Variants in FCAR observed in about 807,000 individuals in gnomAD.
FCAR encodes Fc alpha receptor, also known as immunoglobulin alpha Fc receptor.
A neutral mutation model predicts 27.1 loss-of-function variants in FCAR; 21 were observed. The ratio of observed to expected loss-of-function variants is 0.77; its 90% CI spans 0.55 to 1.11. FCAR has a LOEUF of 1.11. FCAR is among the 50% of genes most tolerant of loss of function. The pLI, the probability that FCAR is intolerant of heterozygous loss-of-function variation, is 0.00. For missense variants in FCAR, 404 were observed against 358.4 expected (o/e 1.13, Z -1.03); for synonymous variants, 134 against 135.8 (o/e 0.99, Z 0.09).
Position 54,875,374 on chromosome 19 carries a change from C to T in FCAR, c.70+9C>T, listed in dbSNP as rs1016584224. The T allele has an allele frequency of 2.5e-6, 4 of 1,612,114 alleles. No homozygotes were observed. The highest frequency in any genetic ancestry group is 3.4e-6 in the Non-Finnish European group (4 of 1,178,486). On this transcript the variant is annotated intron_variant, in intron 2 of 4. Transcript: ENST00000355524. ...GATTCAGGCACAGGAAGGTAAGTGT[C>T]CTGTAAATCTCTCCCAGCCCCTTTA...
At chr19:54,887,966 G>A in intron 3 of FCAR, 41 bp from the exon 4 acceptor site, 2 of 1,492,054 alleles carry the variant, frequency 1.3e-6, no homozygotes, top group South Asian at 1.3e-5. Flanking sequence ...AAGAATAAAG[G>A]AGAAAAGGTC....
Position 54,885,475 on chromosome 19 carries a change from T to C in FCAR, c.311T>C (p.Ile104Thr), listed in dbSNP as rs758421629. The C allele has an allele frequency of 3.1e-6, 5 of 1,612,624 alleles. No individual in the cohort carries two copies. The highest frequency in any genetic ancestry group is 3.4e-6 in the Non-Finnish European group (4 of 1,178,700). ...GGGCGCTATCAGTGCCAATATAGGA[T>C]AGGGCACTACAGGTTCCGGTACAGT... is the stretch of plus-strand genomic sequence containing the variant. ...KAGRYQCQYR[I>T]GHYRFRYSDT... The change falls in exon 3 of 5, where the codon ATA becomes ACA. Residue 104 changes from isoleucine (I) to threonine (T), a missense_variant. Coordinates refer to ENST00000355524, the MANE Select transcript of FCAR (RefSeq NM_002000.4).
At position 54,888,150 on chromosome 19, in the gene FCAR, C is replaced by T; in HGVS notation, c.505C>T (p.His169Tyr). 6.2e-7 allele frequency: 1 copy of T among 1,614,196 alleles called. No individual in the cohort carries two copies. Among genetic ancestry groups the T allele is most frequent in the Non-Finnish European group, 8.5e-7 (1 of 1,180,028 alleles). ...GGAGGGAGAACTTTCTCTGCCACAG[C>T]ACCAAAGTGGGGAACACCCGGCCAA... Reference protein sequence around the residue: ...AKEGELSLPQHQSGEHPANFS... With the variant: ...AKEGELSLPQYQSGEHPANFS... The change falls in exon 4 of 5, where the codon CAC (histidine) becomes TAC (tyrosine). Residue 169 changes from histidine to tyrosine, a missense_variant. Coordinates refer to ENST00000355524, the MANE Select transcript of FCAR (RefSeq NM_002000.4).
At chr19:54,880,156 T>C (rs2066332330) in intron 2 of FCAR, among the ~76,000 whole-genome samples, 3 of 152,354 alleles carry the variant, frequency 2.0e-5, no homozygotes, top group African/African-American at 7.2e-5. Context: ...ATGTTTTCCA[T>C]GTTCCTTGCT....
At chr19:54,879,719 A>T (rs2145858595) in intron 2 of FCAR, among the ~76,000 whole-genome samples, 1 of 144,726 alleles carries the variant, frequency 6.9e-6, no homozygotes. Context: ...TCTGTTGCCC[A>T]GGCTGCCAGG....
Position 54,888,158 on chromosome 19 carries a change from TG to T in FCAR, c.517del (p.Glu173AsnfsTer56). 1 of 1,614,142 alleles carries T rather than the reference TG, an allele frequency of 6.2e-7. No homozygotes were observed. Among genetic ancestry groups the T allele is most frequent in the Middle Eastern group, 1.6e-4 (1 of 6,062 alleles). ...GELSLPQHQS[G>X]EHPANFSLGP... The stretch of plus-strand genomic sequence containing the variant: ...AACTTTCTCTGCCACAGCACCAAAG[TG>T]GGGAACACCCGGCCAACTTCTCTTT... On this transcript the variant is annotated frameshift_variant, in exon 4 of 5. Coordinates refer to ENST00000355524, the MANE Select transcript of FCAR (RefSeq NM_002000.4). LOFTEE classifies it high-confidence loss of function.
intron 4 of FCAR, 75 bp downstream of exon 4, chr19:54,888,369 C>T (rs763363053): frequency 2.4e-5 from 38 of 1,565,496 alleles, no homozygotes; most frequent in African/African-American, 1.8e-4. Context: ...AATATGAAGA[C>T]GTGCACTGAG....
chr19:54,876,085 T>C (rs142601287), intron 2 of FCAR, among the ~76,000 whole-genome samples: 2 of 152,376 alleles, frequency 1.3e-5, no homozygotes, highest in African/African-American at 4.8e-5. Context: ...TTTTATTCTT[T>C]TTGCAGTAAT....
chr19:54,887,322 C>G (rs762372235), intron 3 of FCAR, among the ~76,000 whole-genome samples: 1 of 151,144 alleles, frequency 6.6e-6, no homozygotes, highest in Non-Finnish European at 1.5e-5. Flanking sequence ...TAAATAAATT[C>G]TAAAAAAGAA....
Position 54,890,174 on chromosome 19 carries a change from G to A in FCAR, c.*311G>A, listed in dbSNP as rs1412923634. On this transcript the variant is annotated 3_prime_UTR_variant, in exon 5 of 5. Transcript: ENST00000355524. ...TCACTGTGTTGGCCAGGCTGGTCTC[G>A]AACTCCTGACCTCAGGTGATCCACC... is the stretch of plus-strand genomic sequence containing the variant. 14 of 371,550 alleles carry A rather than the reference G, an allele frequency of 3.8e-5. No individual in the cohort carries two copies. Among genetic ancestry groups the A allele is most frequent in the Non-Finnish European group, 6.0e-5 (12 of 199,184 alleles). 23.0% of individuals were successfully genotyped at this position (371,550 alleles called of 1,614,324 possible). A position where few individuals can be genotyped will look rare whatever the true frequency, so the allele number is the denominator to read the frequency against.
intron 2 of FCAR, among the ~76,000 whole-genome samples, chr19:54,881,775 TGAGGC>T (rs2066430107): frequency 6.6e-6 from 1 of 151,894 alleles, no homozygotes; most frequent in African/African-American, 2.4e-5. Flanking sequence ...GGGAGGAGGA[TGAGGC>T]TGAGGCAGGA....
intron 4 of FCAR, 59 bp from the exon 5 acceptor site, chr19:54,889,590 G>A (rs1296567633): frequency 1.8e-5 from 26 of 1,426,894 alleles, no homozygotes; most frequent in Non-Finnish European, 2.3e-5. Context: ...AGGGCTCTGG[G>A]GTTGGGATGG....
At chr19:54,874,467 A>G (rs1386662896) in intron 1 of FCAR, 144 bp downstream of exon 1, 3 of 774,332 alleles carry the variant, frequency 3.9e-6, no homozygotes, top group Non-Finnish European at 4.3e-6. Flanking sequence ...GTCTTTGTCA[A>G]TGTATCTATA....
In FCAR at chr19:54,890,085, C is replaced by G. The variant is rs2066996573; in HGVS notation, c.*222C>G. ...TCTTGTGCCTCAGCCTCCCAAGTAG[C>G]TGGAATTACAGGCACATACCACTGC... On this transcript the variant is annotated 3_prime_UTR_variant, in exon 5 of 5. Transcript: ENST00000355524. The G allele has an allele frequency of 3.4e-6, 2 of 582,888 alleles. No individual in the cohort carries two copies. Among genetic ancestry groups the G allele is most frequent in the South Asian group, 2.1e-5 (1 of 47,834 alleles). The allele number at this position is 582,888 out of a possible 1,614,324, so 36.1% of individuals were successfully genotyped here. A position where few individuals can be genotyped will look rare whatever the true frequency, so the allele number is the denominator to read the frequency against.
rs762145401 is a variant in FCAR at position 54,888,244 on chromosome 19, G to A, written c.599G>A (p.Ser200Asn). The change falls in exon 4 of 5, where the codon AGC (serine) becomes AAC (asparagine). Residue 200 changes from serine (S) to asparagine (N), a missense_variant. Ser to Asn is a conservative substitution (Grantham distance 46, BLOSUM62 1). Coordinates refer to ENST00000355524, the MANE Select transcript of FCAR (RefSeq NM_002000.4). ...AGGTGCTACGGTTGGTACAACAGGA[G>A]CCCCTACCTGTGGTCCTTCCCCAGT... ...IYRCYGWYNR[S>N]PYLWSFPSNA... The A allele has an allele frequency of 2.5e-6, 4 of 1,614,128 alleles. No individual in the cohort carries two copies. Among genetic ancestry groups the A allele is most frequent in the East Asian group, 2.2e-5 (1 of 44,866 alleles).
rs958929384 is a variant in FCAR, at chr19:54,888,037, A to C, written c.392A>C (p.Asp131Ala). 2 of 1,614,022 alleles carry C rather than the reference A, an allele frequency of 1.2e-6. No individual in the cohort carries two copies. The highest frequency in any genetic ancestry group is 1.7e-6 in the Non-Finnish European group (2 of 1,179,890). ...GLYGKPFLSA[D>A]RGLVLMPGEN... ...TATGGCAAACCCTTCCTCTCTGCAG[A>C]TCGGGGTCTGGTGTTGATGCCAGGA... The change falls in exon 4 of 5, where the codon GAT becomes GCT. Residue 131 changes from aspartate (D) to alanine (A), a missense_variant. By Grantham distance (126) the Asp-to-Ala change is moderately radical. Coordinates refer to ENST00000355524, the MANE Select transcript of FCAR (RefSeq NM_002000.4).
At chr19:54,878,475 C>G (rs2066224065) in intron 2 of FCAR, among the ~76,000 whole-genome samples, 1 of 152,118 alleles carries the variant, frequency 6.6e-6, no homozygotes, top group Admixed American at 6.6e-5. Flanking sequence ...TCAGAACACG[C>G]TTTATGAATC....
chr19:54,878,145 C>A (rs2066203965), intron 2 of FCAR, among the ~76,000 whole-genome samples: 1 of 152,186 alleles, frequency 6.6e-6, no homozygotes, highest in Non-Finnish European at 1.5e-5. Flanking sequence ...TCTCGATCTC[C>A]TGACCTCATG....
Position 54,885,487 on chromosome 19 carries a change from G to T in FCAR, c.323G>T (p.Arg108Met). Residue 108 changes from arginine to methionine, a missense_variant, in exon 3 of 5, where the codon AGG (arginine) becomes ATG (methionine). Coordinates refer to ENST00000355524, the MANE Select transcript of FCAR (RefSeq NM_002000.4). ...TGCCAATATAGGATAGGGCACTACA[G>T]GTTCCGGTACAGTGACACCCTGGAG... ...YQCQYRIGHY[R>M]FRYSDTLELV... The T allele has an allele frequency of 6.2e-7, 1 of 1,613,588 alleles. No individual in the cohort carries two copies.
Sources: allele counts gnomAD v4.1 joint callset (sites outside exome capture counted in the v4.1 genomes callset), GRCh38; gene constraint gnomAD v4.1.1; transcripts MANE v1.5; gene names NCBI Gene and HGNC (gene_info 2026-07-23, HGNC 2026-07-21).